The following MYO16 variants were observed in gnomAD, a reference collection of about 807,000 sequenced individuals.
MYO16 encodes unconventional myosin-XVI.
In MYO16, 94 loss-of-function variants were observed where a neutral mutation model predicts 205.3. That is an observed-to-expected ratio of 0.46 (90% CI 0.39 to 0.54). The LOEUF is 0.54. MYO16 is among the 20% of genes least tolerant of loss of function. The probability of loss-of-function intolerance (pLI) is 0.00; values close to 1 mark genes in which losing one functional copy is unlikely to be tolerated. For missense variants in MYO16, 2,315 were observed against 2,387.5 expected, an observed-to-expected ratio of 0.97 and a Z score of 0.63; for synonymous variants, 988 against 954.0, an observed-to-expected ratio of 1.04 and a Z score of -0.66.
At chr13:108,776,348 C>A (rs1420260835) in intron 4 of MYO16, among the ~76,000 whole-genome samples, 2 of 152,142 alleles carry the variant, frequency 1.3e-5, no homozygotes, top group Non-Finnish European at 2.9e-5. Flanking sequence ...CAGAGAGACA[C>A]CACTGGCCTA....
At chr13:108,805,605 A>G (rs1458633334) in intron 6 of MYO16, among the ~76,000 whole-genome samples, 1 of 151,980 alleles carries the variant, frequency 6.6e-6, no homozygotes, top group Admixed American at 6.6e-5. Flanking sequence ...TATGTTTATA[A>G]AATACATCAT....
chr13:108,524,913 G>T, the MYO16 span, among the ~76,000 whole-genome samples: 10 of 152,082 alleles, frequency 6.6e-5, no homozygotes, highest in South Asian at 2.1e-3. Flanking sequence ...TATAAAGATG[G>T]GCTTTTAAAA....
chr13:108,507,911 C>G, the MYO16 span, among the ~76,000 whole-genome samples: 1 of 151,490 alleles, frequency 6.6e-6, no homozygotes, highest in Non-Finnish European at 1.5e-5. Context: ...TTTTCTTTTG[C>G]TTGGCCAAGT....
chr13:108,770,843 C>A (rs1442418257), intron 4 of MYO16, among the ~76,000 whole-genome samples: 1 of 152,160 alleles, frequency 6.6e-6, no homozygotes, highest in Non-Finnish European at 1.5e-5. Context: ...TCAGCCCCTA[C>A]CTAGACAACA....
At chr13:109,183,831 C>A (rs924303549) in intron 34 of MYO16, among the ~76,000 whole-genome samples, 7 of 152,144 alleles carry the variant, frequency 4.6e-5, no homozygotes, top group Non-Finnish European at 8.8e-5. Flanking sequence ...AAATATCCAG[C>A]TCACTCCTGC....
intron 20 of MYO16, among the ~76,000 whole-genome samples, chr13:108,991,279 T>A (rs2139436639): frequency 6.6e-6 from 1 of 152,336 alleles, no homozygotes; most frequent in East Asian, 1.9e-4. Flanking sequence ...CTGTCTTACA[T>A]CTTTCCTTGC....
intron 11 of MYO16, among the ~76,000 whole-genome samples, chr13:108,859,564 G>C (rs1878356331): frequency 6.6e-6 from 1 of 152,122 alleles, no homozygotes. Flanking sequence ...TTGGACGTTA[G>C]ATTAGGGAGT....
intron 27 of MYO16, among the ~76,000 whole-genome samples, chr13:109,091,663 A>C (rs1353225911): frequency 1.3e-5 from 2 of 152,184 alleles, no homozygotes; most frequent in Non-Finnish European, 2.9e-5. Flanking sequence ...GACGGCTCCC[A>C]TCCAGTCCTT....
intron 13 of MYO16, among the ~76,000 whole-genome samples, chr13:108,884,409 C>G (rs998559955): frequency 4.6e-5 from 7 of 152,160 alleles, no homozygotes; most frequent in African/African-American, 1.4e-4. Context: ...TCGACACATT[C>G]TAAACTCTAG....
At chr13:108,502,074 G>A in the MYO16 span, among the ~76,000 whole-genome samples, 330 of 152,270 alleles carry the variant, frequency 2.2e-3, 6 homozygotes, top group South Asian at 0.022. Context: ...TTAGCTGGGT[G>A]TGGTGGCACG....
chr13:109,048,232 G>GC, intron 24 of MYO16: 1 of 568,818 alleles, frequency 1.8e-6, no homozygotes, highest in East Asian at 3.0e-5. Flanking sequence ...TGGCTAGTCT[G>GC]CTTATCTTAA....
At chr13:109,136,480 G>C (rs571824096) in intron 31 of MYO16, among the ~76,000 whole-genome samples, 3 of 152,276 alleles carry the variant, frequency 2.0e-5, no homozygotes, top group African/African-American at 2.4e-5. Context: ...GAAGGTTCTT[G>C]TTCCTTTATA....
chr13:108,994,328 C>T (rs1884933892), intron 21 of MYO16, among the ~76,000 whole-genome samples: 1 of 146,478 alleles, frequency 6.8e-6, no homozygotes, highest in African/African-American at 2.5e-5. Flanking sequence ...CACACACACA[C>T]ACACACATAT....
chr13:108,785,680 T>C lies in MYO16; in HGVS notation c.553T>C (p.Leu185=), dbSNP rs751062845. Residue 185 remains leucine, a synonymous_variant, in exon 5 of 35, where the codon TTA becomes CTA. Coordinates refer to ENST00000457511, the MANE Select transcript of MYO16 (RefSeq NM_001198950.3). Reference sequence around the variant, plus strand: ...CCAGGATGTGAATGGAAATATCCCATTAGATTATGCTGTAGAAGGGACAGA... The same window carrying C: ...CCAGGATGTGAATGGAAATATCCCACTAGATTATGCTGTAGAAGGGACAGA... ...LLQDVNGNIP[L]DYAVEGTESS... 1 of 1,613,478 alleles carries C rather than the reference T, an allele frequency of 6.2e-7. No individual in the cohort carries two copies. The highest frequency in any genetic ancestry group is 8.5e-7 in the Non-Finnish European group (1 of 1,179,818).
intron 9 of MYO16, among the ~76,000 whole-genome samples, chr13:108,823,738 G>A (rs1876107884): frequency 6.6e-6 from 1 of 151,906 alleles, no homozygotes; most frequent in Non-Finnish European, 1.5e-5. Context: ...TCATTTTCAA[G>A]GTCTGAAAAA....
At chr13:109,038,214 G>T (rs953093821) in intron 23 of MYO16, among the ~76,000 whole-genome samples, 1 of 152,160 alleles carries the variant, frequency 6.6e-6, no homozygotes, top group Non-Finnish European at 1.5e-5. Flanking sequence ...CTGGGCCATG[G>T]GATGCCCAGA....
chr13:108,709,910 A>G (rs1268534421), intron 2 of MYO16, among the ~76,000 whole-genome samples: 2 of 134,586 alleles, frequency 1.5e-5, no homozygotes, highest in Non-Finnish European at 3.3e-5. Flanking sequence ...TCATGCAAAC[A>G]GCCCTCTCAA....
the MYO16 span, among the ~76,000 whole-genome samples, chr13:108,504,185 G>A: frequency 1.3e-5 from 2 of 152,110 alleles, no homozygotes; most frequent in African/African-American, 2.4e-5. Flanking sequence ...GCAGTGGCAC[G>A]ATCTCAGCTC....
At chr13:108,760,624 G>A (rs1885574555) in intron 4 of MYO16, among the ~76,000 whole-genome samples, 1 of 151,934 alleles carries the variant, frequency 6.6e-6, no homozygotes, top group Non-Finnish European at 1.5e-5. Context: ...AAGTCCTTTA[G>A]CCATTACAGA....
Sources: allele counts gnomAD v4.1 joint callset (sites outside exome capture counted in the v4.1 genomes callset), GRCh38; gene constraint gnomAD v4.1.1; transcripts MANE v1.5; gene names NCBI Gene and HGNC (gene_info 2026-07-23, HGNC 2026-07-21).